Variants in ITGB5 observed in about 807,000 individuals in gnomAD.
The protein encoded by ITGB5 is integrin beta-5.
A neutral mutation model predicts 84.8 loss-of-function variants in ITGB5; 38 were observed. The observed-to-expected ratio is 0.45, with a 90% CI of 0.35 to 0.59. The LOEUF (loss-of-function observed/expected upper bound fraction) is 0.59. Ranked by LOEUF, ITGB5 falls within the 20% of genes least tolerant of loss-of-function variation. ITGB5 has a pLI of 0.01. For missense variants in ITGB5, 905 were observed against 1,034.5 expected (o/e 0.87, Z 1.72); for synonymous variants, 393 against 414.4 (o/e 0.95, Z 0.63).
chr3:124,833,200 C>T (rs2064883165), intron 5 of ITGB5, among the ~76,000 whole-genome samples: 4 of 152,220 alleles, frequency 2.6e-5, no homozygotes, highest in Admixed American at 2.6e-4. Flanking sequence ...AGACATTCCT[C>T]TTGAGCTCAA....
intron 1 of ITGB5, among the ~76,000 whole-genome samples, chr3:124,893,123 G>A (rs1421593599): frequency 6.6e-6 from 1 of 152,022 alleles, no homozygotes; most frequent in Non-Finnish European, 1.5e-5. Context: ...TAACTTTTTA[G>A]GCTGGGTGCA....
intron 1 of ITGB5, among the ~76,000 whole-genome samples, chr3:124,877,877 T>A (rs923292167): frequency 6.6e-6 from 1 of 152,142 alleles, no homozygotes; most frequent in Non-Finnish European, 1.5e-5. Flanking sequence ...AGAGTCTTGC[T>A]TTGTTGCCCA....
Position 124,875,653 on chromosome 3 carries a change from T to C in ITGB5, c.71-2122A>G, listed in dbSNP as rs1048428436. 3.3e-5 allele frequency among the ~76,000 whole-genome samples: 5 copies of C among 152,014 alleles called. No homozygotes were observed. In the South Asian group the frequency reaches 1.0e-3, roughly 32 times the overall value. On this transcript the variant is annotated intron_variant, in intron 1 of 14. Coordinates refer to ENST00000296181, the MANE Select transcript of ITGB5 (RefSeq NM_002213.5). The stretch of plus-strand genomic sequence containing the variant: ...GTGTTCCAGCAATTCCACTTCGGGG[T>C]ATATAGTCAAAGAAAATGAAATCAG...
intron 2 of ITGB5, among the ~76,000 whole-genome samples, chr3:124,871,528 A>C (rs6777866): frequency 0.44 from 67,182 of 151,752 alleles, 15,091 homozygotes; most frequent in East Asian, 0.67. Context: ...ACAAGGTATC[A>C]GTCAAGGAAA....
intron 11 of ITGB5, among the ~76,000 whole-genome samples, chr3:124,772,767 C>T (rs1010583413): frequency 2.6e-5 from 4 of 152,188 alleles, no homozygotes; most frequent in African/African-American, 7.2e-5. Context: ...AAGGCTGGGG[C>T]CCAGGTCTAG....
intron 1 of ITGB5, among the ~76,000 whole-genome samples, chr3:124,884,215 A>AT (rs1257759548): frequency 2.5e-5 from 3 of 118,890 alleles, no homozygotes; most frequent in African/African-American, 9.7e-5. Context: ...GGGAAGCAAA[A>AT]AAAAAAAAGA....
intron 1 of ITGB5, among the ~76,000 whole-genome samples, chr3:124,877,330 G>A (rs971176088): frequency 6.6e-6 from 1 of 152,032 alleles, no homozygotes; most frequent in Admixed American, 6.6e-5. Flanking sequence ...AAAAGTGTGT[G>A]CAGGAAAAGA....
rs566345133 is a variant in ITGB5, at chr3:124,800,163, C to T, written c.1264-3346G>A. On this transcript the variant is annotated intron_variant, in intron 9 of 14. Coordinates refer to ENST00000296181, the MANE Select transcript of ITGB5 (RefSeq NM_002213.5). ...ACCTGTAGCTTGCTTCAAGTTACAGCTGAAACCCTGTACTTCTAGGGCTAC... is the reference window on the plus strand; with the variant it reads ...ACCTGTAGCTTGCTTCAAGTTACAGTTGAAACCCTGTACTTCTAGGGCTAC... 1.1e-4 allele frequency among the ~76,000 whole-genome samples: 17 copies of T among 152,266 alleles called. No individual in the cohort carries two copies. The East Asian group carries it at 2.9e-3, about 26-fold the overall frequency.
Position 124,796,481 on chromosome 3 carries a change from A to T in ITGB5, c.1600T>A (p.Ser534Thr). 11 of 1,614,120 alleles carry T rather than the reference A, an allele frequency of 6.8e-6. No homozygotes were observed. Among genetic ancestry groups the T allele is most frequent in the Non-Finnish European group, 9.3e-6 (11 of 1,180,016 alleles). The change falls in exon 10 of 15, where the codon TCC becomes ACC. Residue 534 changes from serine to threonine, a missense_variant. Coordinates refer to ENST00000296181, the MANE Select transcript of ITGB5 (RefSeq NM_002213.5). ...GRGDCSCNQC[S>T]CFESEFGKIY... is the part of the protein sequence containing the mutation. Reference sequence around the variant, plus strand: ...TTGCCAAACTCGCTCTCGAAGCAGGAGCACTGGTTGCAGCTGCAGTCCCCA... The same window carrying T: ...TTGCCAAACTCGCTCTCGAAGCAGGTGCACTGGTTGCAGCTGCAGTCCCCA...
chr3:124,849,520 C>T (rs1316000230), intron 3 of ITGB5, among the ~76,000 whole-genome samples: 1 of 152,174 alleles, frequency 6.6e-6, no homozygotes. Flanking sequence ...TGGGACATCA[C>T]AGGCACAACT....
chr3:124,878,763 C>G (rs145430510), intron 1 of ITGB5: 2 of 152,230 alleles, frequency 1.3e-5, no homozygotes, highest in African/African-American at 4.8e-5. Context: ...AGAGTTTGGA[C>G]TTTGCTGGAT....
rs991275794 is a variant in ITGB5, at chr3:124,860,983, T to C, written c.157-1537A>G. 2.0e-5 allele frequency among the ~76,000 whole-genome samples: 3 copies of C among 152,276 alleles called. No individual in the cohort carries two copies. In the South Asian group the frequency reaches 6.2e-4, roughly 32 times the overall value. On this transcript the variant is annotated intron_variant, in intron 2 of 14. Coordinates refer to ENST00000296181, the MANE Select transcript of ITGB5 (RefSeq NM_002213.5). ...TGAGAGACTTGAGGCAGGAGGATCATTTGGGCTGGGAGTTCAACGCTGCAG... is the reference window on the plus strand; with the variant it reads ...TGAGAGACTTGAGGCAGGAGGATCACTTGGGCTGGGAGTTCAACGCTGCAG...
At chr3:124,766,831 G>T (rs1223486574) in intron 12 of ITGB5, among the ~76,000 whole-genome samples, 2 of 152,230 alleles carry the variant, frequency 1.3e-5, no homozygotes, top group Non-Finnish European at 2.9e-5. Flanking sequence ...AAATCAAAAA[G>T]AACCACAGGG....
intron 10 of ITGB5, among the ~76,000 whole-genome samples, chr3:124,783,362 G>GAA (rs933256976): frequency 3.3e-5 from 5 of 150,834 alleles, no homozygotes; most frequent in African/African-American, 1.2e-4. Context: ...AAGCTGACCA[G>GAA]AAGACTTAGT....
chr3:124,889,125 C>T (rs1028087977), upstream of ITGB5, among the ~76,000 whole-genome samples: 2 of 152,224 alleles, frequency 1.3e-5, no homozygotes, highest in Non-Finnish European at 2.9e-5. Flanking sequence ...ACCTCCCTCA[C>T]AATTTACCCA....
In ITGB5 at chr3:124,848,393, C is replaced by T. The variant is rs1020940353; in HGVS notation, c.527G>A (p.Arg176Gln). The change falls in exon 4 of 15, where the codon CGG becomes CAG. Residue 176 changes from arginine (R) to glutamine (Q), a missense_variant. By Grantham distance (43) the Arg-to-Gln change is conservative. Around this residue, in one of 3 missense-constraint regions of ITGB5, gnomAD observed 656 missense variants for 734.7 expected, o/e 0.89. Transcript: ENST00000296181. ...ATCAACAAAAGACCCAAATCCCAACCGGAAGTTGCTGGTGAGCTTCCTCAT... is the reference window on the plus strand; with the variant it reads ...ATCAACAAAAGACCCAAATCCCAACTGGAAGTTGCTGGTGAGCTTCCTCAT... ...EEMRKLTSNF[R>Q]LGFGSFVDKD... is the part of the protein sequence containing the mutation. 10 of 1,613,994 alleles carry T rather than the reference C, an allele frequency of 6.2e-6. No homozygotes were observed. The highest frequency in any genetic ancestry group is 3.3e-5 in the Admixed American group (2 of 59,988).
upstream of ITGB5, among the ~76,000 whole-genome samples, chr3:124,892,602 G>A (rs1327588376): frequency 6.7e-6 from 1 of 150,224 alleles, no homozygotes; most frequent in Non-Finnish European, 1.5e-5. Flanking sequence ...GGCTGAGGTG[G>A]GAGGATCGCT....
At chr3:124,825,188 C>T (rs1006504531) in intron 5 of ITGB5, among the ~76,000 whole-genome samples, 3 of 141,642 alleles carry the variant, frequency 2.1e-5, no homozygotes, top group East Asian at 4.0e-4. Flanking sequence ...CAGAGCGAGA[C>T]TCCGTCTCAA....
intron 10 of ITGB5, among the ~76,000 whole-genome samples, chr3:124,793,931 C>A (rs888964639): frequency 6.6e-6 from 1 of 152,244 alleles, no homozygotes; most frequent in Non-Finnish European, 1.5e-5. Flanking sequence ...GCTTGTGTCA[C>A]GGCAAGGTCC....
Sources: gnomAD v4.1 joint callset for allele counts (sites outside exome capture counted in the v4.1 genomes callset) on GRCh38, gnomAD v4.1.1 for gene constraint, gnomAD v4.1.1 regional missense constraint, MANE v1.5 for transcripts, NCBI Gene and HGNC (gene_info 2026-07-23, HGNC 2026-07-21) for gene names.